Variants in SKA1 observed in about 807,000 individuals in gnomAD.
The protein encoded by SKA1 is spindle and kinetochore associated complex subunit 1, also known as SKA complex subunit 1.
SKA1 carries 20 observed loss-of-function variants against 31.8 expected under a neutral mutation model. That is an observed-to-expected ratio of 0.63 (90% CI 0.44 to 0.91). SKA1 has a LOEUF of 0.91. SKA1 is among the 40% of genes least tolerant of loss of function. SKA1 has a pLI of 0.00. For missense variants in SKA1, 253 were observed against 298.2 expected, an observed-to-expected ratio of 0.85 and a Z score of 1.12; for synonymous variants, 88 against 100.5, an observed-to-expected ratio of 0.88 and a Z score of 0.74.
intron 5 of SKA1, among the ~76,000 whole-genome samples, chr18:50,385,773 C>A (rs954485378): frequency 6.6e-6 from 1 of 152,184 alleles, no homozygotes; most frequent in Admixed American, 6.5e-5. Context: ...CTGGGTCACT[C>A]AGAATAGAGG....
intron 5 of SKA1, 115 bp downstream of exon 5, chr18:50,385,468 A>T (rs1249688173): frequency 2.1e-6 from 2 of 964,804 alleles, no homozygotes; most frequent in Non-Finnish European, 2.9e-6. Context: ...TGATCTTTTA[A>T]AAAAGTTTCA....
intron 5 of SKA1, among the ~76,000 whole-genome samples, chr18:50,390,840 A>C (rs765846215): frequency 3.3e-5 from 5 of 152,232 alleles, no homozygotes; most frequent in Non-Finnish European, 7.3e-5. Context: ...GCAGTTAATC[A>C]GTCCATTTGA....
intron 4 of SKA1, among the ~76,000 whole-genome samples, chr18:50,384,871 T>TAAAAAAAAAAAAAA (rs10608403): frequency 4.8e-5 from 4 of 82,618 alleles, no homozygotes; most frequent in Admixed American, 1.6e-4. Context: ...AAAAAAAAAT[T>TAAAAAAAAAAAAAA]AAAAAAAAAA....
At position 50,391,399 on chromosome 18, in the gene SKA1, C is replaced by A. The variant is rs147664072; in HGVS notation, c.619+106C>A. On this transcript the variant is annotated intron_variant, in intron 6 of 6. Transcript: ENST00000285116. ...AAATTCTAAATCTAGAGTGTTAATT[C>A]CCAACCAGGAGCAGTTATCCTACCA... 352 of 1,125,682 alleles carry A rather than the reference C, an allele frequency of 3.1e-4. 3 individuals are homozygous for A. In the African/African-American group the frequency reaches 5.2e-3, roughly 17 times the overall value. The allele number at this position is 1,125,682 out of a possible 1,614,324, so 69.7% of individuals were successfully genotyped here. A position where few individuals can be genotyped will look rare whatever the true frequency, so the allele number is the denominator to read the frequency against.
intron 5 of SKA1, among the ~76,000 whole-genome samples, chr18:50,386,549 C>T (rs1457638497): frequency 6.6e-6 from 1 of 152,156 alleles, no homozygotes; most frequent in Non-Finnish European, 1.5e-5. Context: ...GTTGTCAAAC[C>T]AATATTGATA....
At chr18:50,390,792 T>C (rs2041350342) in intron 5 of SKA1, among the ~76,000 whole-genome samples, 1 of 152,220 alleles carries the variant, frequency 6.6e-6, no homozygotes, top group Non-Finnish European at 1.5e-5. Flanking sequence ...GTTTTTCCTT[T>C]GCTCACATTT....
chr18:50,382,174 C>G lies in SKA1; in HGVS notation c.259C>G (p.Leu87Val). 1 of 1,545,120 alleles carries G rather than the reference C, an allele frequency of 6.5e-7. No homozygotes were observed. The highest frequency in any genetic ancestry group is 8.7e-7 in the Non-Finnish European group (1 of 1,155,150). ...AGAAGATTACAAAGACATAGAACAT[C>G]TTAAAGAAAACGTTCCTTCCCATTT... Reference protein sequence around the residue: ...LEEDYKDIEHLKENVPSHLPQ... With the variant: ...LEEDYKDIEHVKENVPSHLPQ... The change falls in exon 4 of 7, where the codon CTT becomes GTT. Residue 87 changes from leucine to valine, a missense_variant. Leu to Val is a conservative substitution (Grantham distance 32, BLOSUM62 1). Transcript: ENST00000285116.
intron 4 of SKA1, among the ~76,000 whole-genome samples, chr18:50,383,107 C>T (rs2041275694): frequency 2.6e-5 from 4 of 152,168 alleles, no homozygotes. Flanking sequence ...TCCATCCTCT[C>T]TCTCTTCCCC....
At position 50,394,078 on chromosome 18, in the gene SKA1, T is replaced by C. The variant is rs760852206; in HGVS notation, c.*1831T>C. The C allele has an allele frequency of 6.6e-6, 1 of 152,294 alleles. No homozygotes were observed. The highest frequency in any genetic ancestry group is 1.5e-5 in the Non-Finnish European group (1 of 68,060). 9.4% of individuals were successfully genotyped at this position (152,294 alleles called of 1,614,324 possible). A position where few individuals can be genotyped will look rare whatever the true frequency, so the allele number is the denominator to read the frequency against. The stretch of plus-strand genomic sequence containing the variant: ...AAGTCAGCAAGTCCTGTGCTCAGGA[T>C]GCTTCTGGACCTTGCCCCAGGTACC... On this transcript the variant is annotated 3_prime_UTR_variant, in exon 7 of 7. Coordinates refer to ENST00000285116, the MANE Select transcript of SKA1 (RefSeq NM_145060.4).
In SKA1 at chr18:50,391,178, C is replaced by A; in HGVS notation, c.504C>A (p.Ile168=). ...AAATTAATGATGTTATTAAAGAAAT[C>A]AACAAGGCAGTAATTAGTAAATATA... The part of the protein sequence containing the change: ...YNQINDVIKE[I]NKAVISKYKI... The change falls in exon 6 of 7, where the codon ATC becomes ATA. Residue 168 remains isoleucine, a synonymous_variant. Coordinates refer to ENST00000285116, the MANE Select transcript of SKA1 (RefSeq NM_145060.4). 1 of 1,592,172 alleles carries A rather than the reference C, an allele frequency of 6.3e-7. No homozygotes were observed. Among genetic ancestry groups the A allele is most frequent in the South Asian group, 1.2e-5 (1 of 86,864 alleles).
chr18:50,379,418 A>C (rs1399333770), intron 2 of SKA1, among the ~76,000 whole-genome samples: 1 of 152,140 alleles, frequency 6.6e-6, no homozygotes, highest in Non-Finnish European at 1.5e-5. Flanking sequence ...ATGAATTCCA[A>C]ATCCATATTA....
Position 50,392,101 on chromosome 18 carries a change from C to T in SKA1, c.622C>T (p.Arg208Cys), listed in dbSNP as rs1349966736. Residue 208 changes from arginine to cysteine, a missense_variant and splice_region_variant, in exon 7 of 7, where the codon CGT (arginine) becomes TGT (cysteine). Physicochemically the swap from Arg to Cys is radical, Grantham distance 180. Coordinates refer to ENST00000285116, the MANE Select transcript of SKA1 (RefSeq NM_145060.4). ...IDEETKDTKG[R>C]YFIVEADIKE... ...AGCACTAATATCTTTATTTTTAGGT[C>T]GTTATTTTATAGTGGAAGCTGACAT... 9.5e-6 allele frequency: 15 copies of T among 1,571,496 alleles called. No homozygotes were observed. Among genetic ancestry groups the T allele is most frequent in the Admixed American group, 8.4e-5 (4 of 47,834 alleles).
At position 50,375,806 on chromosome 18, in the gene SKA1, G is replaced by GTT. The variant is rs752117335; in HGVS notation, c.-11-8_-11-7dup. 1 of 1,507,210 alleles carries GTT rather than the reference G, an allele frequency of 6.6e-7. No homozygotes were observed. Among genetic ancestry groups the GTT allele is most frequent in the Admixed American group, 2.1e-5 (1 of 47,740 alleles). The allele number at this position is 1,507,210 out of a possible 1,614,324, so 93.4% of individuals were successfully genotyped here. On this transcript the variant is annotated splice_polypyrimidine_tract_variant and intron_variant, in intron 1 of 6. Coordinates refer to ENST00000285116, the MANE Select transcript of SKA1 (RefSeq NM_145060.4). ...CTTTTCTTGTTACGAATATGTTTAT[G>GTT]TTTTTTTCTTCAGAGGCTTAAAGGA...
rs16951831 is a variant in SKA1 at position 50,383,700 on chromosome 18, C to A, written c.311+1474C>A. ...TTCTTCTAAGCTGACTATGGCCTAG[C>A]CTCAACTCTCAGGGATAGGTGAGAG... is the stretch of plus-strand genomic sequence containing the variant. On this transcript the variant is annotated intron_variant, in intron 4 of 6. Transcript: ENST00000285116. Among the ~76,000 whole-genome samples, 1,113 of 152,328 alleles carry A rather than the reference C, an allele frequency of 7.3e-3. 10 individuals are homozygous for A. The highest frequency in any genetic ancestry group is 0.025 in the African/African-American group (1,056 of 41,566).
At position 50,391,215 on chromosome 18, in the gene SKA1, C is replaced by T. The variant is rs140819541; in HGVS notation, c.541C>T (p.Gln181Ter). The T allele has an allele frequency of 1.2e-6, 2 of 1,605,602 alleles. No individual in the cohort carries two copies. The highest frequency in any genetic ancestry group is 2.7e-5 in the African/African-American group (2 of 74,404). Reference protein sequence around the residue: ...AVISKYKILHQPKKSMNSVTR... With the variant: ...AVISKYKILH Reference sequence around the variant, plus strand: ...AATTAGTAAATATAAAATCCTACATCAGCCAAAAAAGTCTATGAATTCTGT... The same window carrying T: ...AATTAGTAAATATAAAATCCTACATTAGCCAAAAAAGTCTATGAATTCTGT... Residue 181 changes from glutamine (Q) to a stop codon, truncating the protein, a stop_gained, in exon 6 of 7, where the codon CAG becomes TAG. Transcript: ENST00000285116. LOFTEE classifies it high-confidence loss of function.
chr18:50,377,028 G>C (rs2041223214), intron 2 of SKA1, among the ~76,000 whole-genome samples: 1 of 111,546 alleles, frequency 9.0e-6, no homozygotes, highest in Admixed American at 1.1e-4. Context: ...GCCTGAGGCT[G>C]TTTTACAGTT....
chr18:50,384,871 T>TAAAAAAAAAAAAAAAAAAAGA (rs2041292849), intron 4 of SKA1, among the ~76,000 whole-genome samples: 30 of 82,588 alleles, frequency 3.6e-4, no homozygotes, highest in Admixed American at 4.8e-4. Context: ...AAAAAAAAAT[T>TAAAAAAAAAAAAAAAAAAAGA]AAAAAAAAAA....
chr18:50,382,468 A>G (rs2041271112), intron 4 of SKA1, among the ~76,000 whole-genome samples: 1 of 151,070 alleles, frequency 6.6e-6, no homozygotes, highest in South Asian at 2.1e-4. Flanking sequence ...CTCTTTTTTC[A>G]CTCATTTCTT....
At chr18:50,378,750 T>C (rs555777867) in intron 2 of SKA1, among the ~76,000 whole-genome samples, 17 of 151,728 alleles carry the variant, frequency 1.1e-4, no homozygotes, top group Non-Finnish European at 1.8e-4. Flanking sequence ...TACCAGTGTA[T>C]GGGGAAGAAA....
Sources: allele counts gnomAD v4.1 joint callset (sites outside exome capture counted in the v4.1 genomes callset), GRCh38; gene constraint gnomAD v4.1.1; transcripts MANE v1.5; gene names NCBI Gene and HGNC (gene_info 2026-07-23, HGNC 2026-07-21).